Variants in CYRIB observed in about 807,000 individuals in gnomAD.
CYRIB encodes the protein CYFIP related Rac1 interactor B, also known as CYFIP-related Rac1 interactor B.
Under a neutral mutation model 44.2 loss-of-function variants are expected in CYRIB, and 8 were observed. The observed-to-expected ratio is 0.18, with a 90% confidence interval of 0.11 to 0.33. The LOEUF is 0.33. CYRIB is among the 10% of genes least tolerant of loss of function. The probability of loss-of-function intolerance (pLI) is 1.00; values close to 1 mark genes in which losing one functional copy is unlikely to be tolerated. For synonymous variants in CYRIB, 131 were observed against 127.2 expected (o/e 1.03, Z -0.20); for missense variants, 185 against 382.8 (o/e 0.48, Z 4.31).
intron 1 of CYRIB, among the ~76,000 whole-genome samples, chr8:129,912,995 C>T (rs1267010943): frequency 7.9e-6 from 1 of 127,128 alleles, no homozygotes; most frequent in Admixed American, 9.4e-5. Context: ...TTTTTTGAGA[C>T]GGAGACTGCT....
At chr8:129,996,784 A>C (rs549531129) in intron 1 of CYRIB, among the ~76,000 whole-genome samples, 2 of 152,132 alleles carry the variant, frequency 1.3e-5, no homozygotes, top group East Asian at 3.9e-4. Flanking sequence ...TTGGGATCTA[A>C]TGTATTCTGT....
intron 1 of CYRIB, among the ~76,000 whole-genome samples, chr8:129,990,858 C>T (rs1591935104): frequency 1.3e-5 from 2 of 152,194 alleles, no homozygotes; most frequent in East Asian, 1.9e-4. Flanking sequence ...AGGCCAGGCA[C>T]GGTGGCTCAC....
chr8:129,949,939 A>G (rs1340895567), intron 2 of CYRIB, among the ~76,000 whole-genome samples: 1 of 152,198 alleles, frequency 6.6e-6, no homozygotes, highest in Non-Finnish European at 1.5e-5. Context: ...TCACTGTGTT[A>G]TTGTGAGCAC....
At chr8:129,887,300 G>A (rs1203677877) in intron 2 of CYRIB, among the ~76,000 whole-genome samples, 1 of 152,244 alleles carries the variant, frequency 6.6e-6, no homozygotes, top group Non-Finnish European at 1.5e-5. Context: ...AGCCTTGGCA[G>A]CTTTGATGGG....
chr8:129,896,405 C>T (rs907184222), intron 2 of CYRIB, among the ~76,000 whole-genome samples: 4 of 152,310 alleles, frequency 2.6e-5, no homozygotes, highest in Non-Finnish European at 4.4e-5. Flanking sequence ...ACAAGGTTAA[C>T]AGGCAAAGGT....
chr8:129,930,287 C>G (rs561787147), intron 1 of CYRIB, among the ~76,000 whole-genome samples: 4 of 141,328 alleles, frequency 2.8e-5, no homozygotes, highest in African/African-American at 1.0e-4. Flanking sequence ...TAGAAGGGAT[C>G]TGAGAGACAA....
At chr8:129,852,418 A>T (rs549330823) in intron 7 of CYRIB, 140 bp from the exon 10 acceptor site, 35 of 412,542 alleles carry the variant, frequency 8.5e-5, no homozygotes, top group African/African-American at 2.5e-4. Context: ...TATTCTTTTT[A>T]AAAAAAAGTT....
upstream of CYRIB, among the ~76,000 whole-genome samples, chr8:129,941,341 T>C (rs772336860): frequency 6.7e-6 from 1 of 148,460 alleles, no homozygotes; most frequent in Non-Finnish European, 1.5e-5. Context: ...TGGCGCGATA[T>C]CGGCTCACTG....
At chr8:129,906,333 C>G (rs28578248) in intron 1 of CYRIB, among the ~76,000 whole-genome samples, 2,575 of 152,212 alleles carry the variant, frequency 0.017, 65 homozygotes, top group African/African-American at 0.054. Context: ...ACAAACCTGA[C>G]AAAAACAAGA....
In CYRIB at chr8:129,851,122, T is replaced by C; in HGVS notation, c.634-208A>G. On this transcript the variant is annotated intron_variant, in intron 8 of 11. Transcript: ENST00000519824. The stretch of plus-strand genomic sequence containing the variant: ...CAAGACAGCGAAGGCAGGACTCTTC[T>C]GAAAGGCACCTGCATTCCAGCAATG... 3 of 529,094 alleles carry C rather than the reference T, an allele frequency of 5.7e-6. No homozygotes were observed. In the East Asian group the frequency reaches 9.9e-5, roughly 17 times the overall value. The allele number at this position is 529,094 out of a possible 1,614,324, so 32.8% of individuals were successfully genotyped here.
At chr8:129,862,540 G>C (rs1431155697) in intron 4 of CYRIB, among the ~76,000 whole-genome samples, 1 of 151,810 alleles carries the variant, frequency 6.6e-6, no homozygotes, top group Admixed American at 6.6e-5. Flanking sequence ...GCGTGATCTC[G>C]GCTCTCTACA....
chr8:129,930,384 A>ATATATATATATATAT (rs1432640704), intron 1 of CYRIB, among the ~76,000 whole-genome samples: 1 of 10,298 alleles, frequency 9.7e-5, no homozygotes, highest in African/African-American at 3.1e-4. Context: ...TATATATTTT[A>ATATATATATATATAT]ATTATTTAAA....
intron 1 of CYRIB, among the ~76,000 whole-genome samples, chr8:129,975,739 C>G (rs528082997): frequency 3.0e-4 from 46 of 152,234 alleles, no homozygotes; most frequent in Non-Finnish European, 4.9e-4. Flanking sequence ...CTTGGCATAG[C>G]ATGCTCTACT....
intron 1 of CYRIB, among the ~76,000 whole-genome samples, chr8:129,908,856 C>G (rs1218817216): frequency 1.3e-5 from 2 of 152,066 alleles, no homozygotes; most frequent in Non-Finnish European, 2.9e-5. Flanking sequence ...AAACAAATAC[C>G]AAGGCATATA....
At chr8:129,924,314 G>GGGGGGGGA (rs1554645242) in intron 1 of CYRIB, among the ~76,000 whole-genome samples, 6 of 34,940 alleles carry the variant, frequency 1.7e-4, no homozygotes, top group African/African-American at 2.7e-4. Flanking sequence ...GGTGGCGGGG[G>GGGGGGGGA]GGGTGTTACT....
At chr8:129,849,298 A>G in exon 10 of CYRIB, 2 of 1,612,416 alleles carry the variant, frequency 1.2e-6, no homozygotes, top group Non-Finnish European at 1.7e-6. Context: ...GTCATAGAGT[A>G]TTATGACACC....
intron 1 of CYRIB, among the ~76,000 whole-genome samples, chr8:129,985,539 G>A (rs1354610344): frequency 6.6e-6 from 1 of 151,912 alleles, no homozygotes; most frequent in Non-Finnish European, 1.5e-5. Flanking sequence ...CCACCCCCCA[G>A]AAATAGTAAA....
intron 2 of CYRIB, among the ~76,000 whole-genome samples, chr8:129,951,125 G>A (rs528705450): frequency 2.6e-5 from 4 of 152,148 alleles, no homozygotes; most frequent in South Asian, 4.1e-4. Flanking sequence ...CCAACATGGC[G>A]AGACCCCATC....
exon 1 of CYRIB, chr8:130,016,385 G>T (rs1156952252): frequency 6.7e-6 from 1 of 149,112 alleles, no homozygotes; most frequent in Non-Finnish European, 1.5e-5. Context: ...GGCCCGGGCG[G>T]GCGAGGGGAG....
Sources: gnomAD v4.1 joint callset for allele counts (sites outside exome capture counted in the v4.1 genomes callset) on GRCh38, gnomAD v4.1.1 for gene constraint, MANE v1.5 for transcripts, NCBI Gene and HGNC (gene_info 2026-07-23, HGNC 2026-07-21) for gene names.